The following PMPCA variants were observed in gnomAD, a reference collection of about 807,000 sequenced individuals.
PMPCA encodes the protein peptidase, mitochondrial processing subunit alpha.
A neutral mutation model predicts 59.3 loss-of-function variants in PMPCA; 47 were observed. That is an observed-to-expected ratio of 0.79 (90% CI 0.63 to 1.01). PMPCA has a LOEUF of 1.01. Ranked by LOEUF, PMPCA falls within the 50% of genes least tolerant of loss-of-function variation. The probability of loss-of-function intolerance (pLI) is 0.00; values close to 1 mark genes in which losing one functional copy is unlikely to be tolerated. For synonymous variants in PMPCA, 338 were observed against 290.3 expected (o/e 1.16, Z -1.67); for missense variants, 726 against 704.5 (o/e 1.03, Z -0.34).
At chr9:136,422,532 T>C (rs568023508) in intron 12 of PMPCA, 173 of 1,016,464 alleles carry the variant, frequency 1.7e-4, no homozygotes, top group East Asian at 5.8e-4. Context: ...TGGTGTCACC[T>C]GTGGGCATCT....
rs148471154 is a variant in PMPCA at position 136,412,030 on chromosome 9, T to A, written c.105T>A (p.Ser35Arg). 1.2e-6 allele frequency: 2 copies of A among 1,613,256 alleles called. No homozygotes were observed. The highest frequency in any genetic ancestry group is 1.7e-6 in the Non-Finnish European group (2 of 1,179,276). ...FGPPAYRRFS[S>R]GGAYPNIPLS... ...CTCCTGCGTACAGACGGTTTAGTAG[T>A]GGTGGTGCCTATCCCAACATCCCCC... Residue 35 changes from serine (S) to arginine (R), a missense_variant, in exon 2 of 13, where the codon AGT (serine) becomes AGA (arginine). Physicochemically the swap from Ser to Arg is moderately radical, Grantham distance 110 (BLOSUM62 -1). Transcript: ENST00000371717.
rs542060063 is a variant in PMPCA, at chr9:136,412,147, T to C, written c.222T>C (p.Asn74=). 1.2e-6 allele frequency: 2 copies of C among 1,614,094 alleles called. No homozygotes were observed. Among genetic ancestry groups the C allele is most frequent in the African/African-American group, 1.3e-5 (1 of 75,066 alleles). The change falls in exon 2 of 13, where the codon AAT becomes AAC. Residue 74 remains asparagine (N), a synonymous_variant. Transcript: ENST00000371717. ...AAACCAAAGTAACCACATTGGATAA[T>C]GGGCTTCGCGTGGCATCTCAGAATA... ...KFETKVTTLD[N]GLRVASQNKF...
chr9:136,418,188 A>T (rs576100663), intron 8 of PMPCA, 79 bp downstream of exon 8: 10 of 1,012,396 alleles, frequency 9.9e-6, no homozygotes, highest in Middle Eastern at 2.1e-4. Context: ...TGTCCCTGGC[A>T]TCCGACAGCG....
chr9:136,419,374 C>CT (rs1234991654), intron 11 of PMPCA: 1 of 559,266 alleles, frequency 1.8e-6, no homozygotes, highest in East Asian at 3.0e-5. Context: ...TCCACTACTT[C>CT]TTTCTCTGAG....
chr9:136,412,387 T>C, intron 2 of PMPCA, 103 bp from the exon 3 acceptor site: 1 of 756,262 alleles, frequency 1.3e-6, no homozygotes, highest in Non-Finnish European at 2.3e-6. Flanking sequence ...CTCATGTAAT[T>C]AAATCTGATT....
At chr9:136,418,504 C>T in intron 8 of PMPCA, 51 bp from the exon 9 acceptor site, 4 of 1,151,260 alleles carry the variant, frequency 3.5e-6, no homozygotes, top group Non-Finnish European at 5.2e-6. Flanking sequence ...TCTGACGGTG[C>T]TCCTGACGTG....
chr9:136,421,403 C>CT (rs1835443914), intron 11 of PMPCA, among the ~76,000 whole-genome samples: 1 of 116,114 alleles, frequency 8.6e-6, no homozygotes, highest in African/African-American at 3.1e-5. Flanking sequence ...CCTGGGTTCC[C>CT]GTTTTTTTTT....
At chr9:136,418,411 G>A in intron 8 of PMPCA, 144 bp from the exon 9 acceptor site, 1 of 695,538 alleles carries the variant, frequency 1.4e-6, no homozygotes, top group South Asian at 1.7e-5. Context: ...GGCTCAGCCA[G>A]CTCTGCCCTC....
chr9:136,410,781 G>A, intron 1 of PMPCA, 42 bp downstream of exon 1: 1 of 1,359,478 alleles, frequency 7.4e-7, no homozygotes. Context: ...GGGCGGGGGC[G>A]GCTCGAGTCT....
intron 11 of PMPCA, among the ~76,000 whole-genome samples, chr9:136,421,309 T>C (rs1436295866): frequency 2.6e-5 from 4 of 151,914 alleles, no homozygotes; most frequent in South Asian, 2.1e-4. Context: ...GTATTTCAAG[T>C]GTGGTAGAAG....
chr9:136,413,815 G>A (rs1835199749), intron 4 of PMPCA, among the ~76,000 whole-genome samples: 1 of 152,196 alleles, frequency 6.6e-6, no homozygotes, highest in South Asian at 2.1e-4. Flanking sequence ...AAGTCACTGA[G>A]AATGGCTCCT....
chr9:136,417,057 C>G lies in PMPCA; in HGVS notation c.740C>G (p.Thr247Ser). 6.2e-7 allele frequency: 1 copy of G among 1,614,044 alleles called. No homozygotes were observed. The highest frequency in any genetic ancestry group is 8.5e-7 in the Non-Finnish European group (1 of 1,180,032). ...VLHSYLRNYY[T>S]PDRMVLAGVG... Reference sequence around the variant, plus strand: ...CATTCCTACCTGAGGAACTACTACACTCCCGACCGCATGGTGCTGGCCGGC... The same window carrying G: ...CATTCCTACCTGAGGAACTACTACAGTCCCGACCGCATGGTGCTGGCCGGC... The change falls in exon 7 of 13, where the codon ACT (threonine) becomes AGT (serine). Residue 247 changes from threonine (T) to serine (S), a missense_variant. Transcript: ENST00000371717.
rs760458820 is a variant in PMPCA, at chr9:136,423,075, G to A, written c.1409-20G>A. Reference sequence around the variant, plus strand: ...GGGCCGTGGCGCGCTCGTGTGACACGCGTTTGCCCTCTGCACTAGGCAACG... The same window carrying A: ...GGGCCGTGGCGCGCTCGTGTGACACACGTTTGCCCTCTGCACTAGGCAACG... On this transcript the variant is annotated intron_variant, in intron 12 of 12. Transcript: ENST00000371717. The A allele has an allele frequency of 4.4e-6, 7 of 1,603,828 alleles. No individual in the cohort carries two copies. The highest frequency in any genetic ancestry group is 2.7e-5 in the African/African-American group (2 of 74,984).
chr9:136,412,138 A>G lies in PMPCA; in HGVS notation c.213A>G (p.Thr71=), dbSNP rs1835143719. Residue 71 remains threonine (T), a synonymous_variant, in exon 2 of 13, where the codon ACA becomes ACG. Transcript: ENST00000371717. ...GQEKFETKVT[T]LDNGLRVASQ... ...AAAAGTTTGAAACCAAAGTAACCAC[A>G]TTGGATAATGGGCTTCGCGTGGCAT... The G allele has an allele frequency of 1.9e-6, 3 of 1,613,770 alleles. No homozygotes were observed. Among genetic ancestry groups the G allele is most frequent in the African/African-American group, 1.3e-5 (1 of 74,934 alleles).
intron 2 of PMPCA, 61 bp downstream of exon 2, chr9:136,412,260 G>T: frequency 1.7e-6 from 2 of 1,197,354 alleles, no homozygotes; most frequent in South Asian, 2.4e-5. Context: ...TGCTTTAGTT[G>T]ACTGTTAGTT....
At chr9:136,421,726 T>C in intron 11 of PMPCA, 106 bp from the exon 12 acceptor site, 2 of 1,114,250 alleles carry the variant, frequency 1.8e-6, no homozygotes, top group South Asian at 1.6e-5. Flanking sequence ...TTCCCTTTCT[T>C]ATGTTCAGCT....
rs1835526729 is a variant in PMPCA, at chr9:136,423,659, C to A, written c.*395C>A. The A allele has an allele frequency of 5.0e-6, 1 of 200,046 alleles. No individual in the cohort carries two copies. Among genetic ancestry groups the A allele is most frequent in the Non-Finnish European group, 1.0e-5 (1 of 96,212 alleles). The allele number at this position is 200,046 out of a possible 1,614,324, so 12.4% of individuals were successfully genotyped here. On this transcript the variant is annotated 3_prime_UTR_variant, in exon 13 of 13. Coordinates refer to ENST00000371717, the MANE Select transcript of PMPCA (RefSeq NM_015160.3). ...CACCGTGCTGGGTACCAGGACTCACCTCTGACAAGCAGGAGAAGGTAAGGG... is the reference window on the plus strand; with the variant it reads ...CACCGTGCTGGGTACCAGGACTCACATCTGACAAGCAGGAGAAGGTAAGGG...
Position 136,412,218 on chromosome 9 carries a change from T to C in PMPCA, c.274+19T>C, listed in dbSNP as rs982669480. On this transcript the variant is annotated intron_variant, in intron 2 of 12. Coordinates refer to ENST00000371717, the MANE Select transcript of PMPCA (RefSeq NM_015160.3). ...GTAGGAAGTAAGTACTGTTGTGTTGTCGTGGGTGGTCCCGCAGTTTTAACA... is the reference window on the plus strand; with the variant it reads ...GTAGGAAGTAAGTACTGTTGTGTTGCCGTGGGTGGTCCCGCAGTTTTAACA... The C allele has an allele frequency of 6.4e-7, 1 of 1,565,712 alleles. No homozygotes were observed. Among genetic ancestry groups the C allele is most frequent in the Non-Finnish European group, 8.8e-7 (1 of 1,136,714 alleles).
intron 3 of PMPCA, 114 bp from the exon 4 acceptor site, chr9:136,412,691 TTTAAG>T: frequency 2.5e-6 from 2 of 812,192 alleles, no homozygotes; most frequent in South Asian, 1.5e-5. Flanking sequence ...ATAAAAGACT[TTTAAG>T]TTAAAAGATA....
Sources: gnomAD v4.1 joint callset for allele counts (sites outside exome capture counted in the v4.1 genomes callset) on GRCh38, gnomAD v4.1.1 for gene constraint, MANE v1.5 for transcripts, NCBI Gene and HGNC (gene_info 2026-07-23, HGNC 2026-07-21) for gene names.